Variants in SORCS3 observed in about 807,000 individuals in gnomAD.
SORCS3 encodes the protein sortilin related VPS10 domain containing receptor 3, also known as VPS10 domain-containing receptor SorCS3.
SORCS3 carries 57 observed loss-of-function variants against 146.3 expected under a neutral mutation model. The ratio of observed to expected loss-of-function variants is 0.39; its 90% CI spans 0.31 to 0.49. The LOEUF is 0.49. Ranked by LOEUF, SORCS3 falls within the 20% of genes least tolerant of loss-of-function variation. The pLI, the probability that SORCS3 is intolerant of heterozygous loss-of-function variation, is 0.92. For missense variants in SORCS3, 1,341 were observed against 1,575.5 expected (o/e 0.85, Z 2.52); for synonymous variants, 653 against 618.5 (o/e 1.06, Z -0.83).
At chr10:104,722,990 C>G (rs1266241188) in intron 1 of SORCS3, among the ~76,000 whole-genome samples, 1 of 152,124 alleles carries the variant, frequency 6.6e-6, no homozygotes. Context: ...CAGTTCTGCT[C>G]TGATCTTAGT....
intron 4 of SORCS3, among the ~76,000 whole-genome samples, chr10:105,034,191 G>T (rs1258138600): frequency 1.3e-5 from 2 of 152,146 alleles, no homozygotes; most frequent in Non-Finnish European, 1.5e-5. Context: ...TCTGGGGTGG[G>T]AAGTGACCAA....
chr10:105,052,518 C>G (rs2055420316), intron 5 of SORCS3, among the ~76,000 whole-genome samples: 1 of 152,132 alleles, frequency 6.6e-6, no homozygotes, highest in South Asian at 2.1e-4. Context: ...ACTTTTGTCA[C>G]AGTGGGTGAG....
chr10:104,840,475 C>T (rs1318191546), intron 1 of SORCS3, among the ~76,000 whole-genome samples: 1 of 152,166 alleles, frequency 6.6e-6, no homozygotes, highest in African/African-American at 2.4e-5. Context: ...ATAGGAATTG[C>T]CTGCTCATTT....
intron 3 of SORCS3, among the ~76,000 whole-genome samples, chr10:104,946,329 CCCT>C (rs1041017537): frequency 1.3e-5 from 2 of 152,080 alleles, no homozygotes. Flanking sequence ...CCCCTCTGCA[CCCT>C]CCTCCTCTGC....
At chr10:104,922,228 G>A (rs1427223736) in intron 3 of SORCS3, among the ~76,000 whole-genome samples, 1 of 152,204 alleles carries the variant, frequency 6.6e-6, no homozygotes, top group African/African-American at 2.4e-5. Context: ...GTAAGTGGCA[G>A]GGTAACACAT....
chr10:105,228,607 A>G (rs995476568), intron 20 of SORCS3, among the ~76,000 whole-genome samples: 6 of 152,102 alleles, frequency 3.9e-5, no homozygotes, highest in African/African-American at 1.4e-4. Flanking sequence ...TATGAAGAAT[A>G]TCTTTGCTAG....
At chr10:104,919,969 T>C (rs1365961835) in intron 3 of SORCS3, among the ~76,000 whole-genome samples, 1 of 152,248 alleles carries the variant, frequency 6.6e-6, no homozygotes, top group East Asian at 1.9e-4. Flanking sequence ...TTTATTAGTC[T>C]AGAGCTCTGG....
intron 7 of SORCS3, among the ~76,000 whole-genome samples, chr10:105,111,645 C>A (rs1301481963): frequency 2.0e-5 from 3 of 152,196 alleles, no homozygotes; most frequent in Non-Finnish European, 4.4e-5. Flanking sequence ...ATATATTATT[C>A]ATTGTCCTTT....
chr10:105,176,879 T>C (rs2056408947), intron 13 of SORCS3, among the ~76,000 whole-genome samples: 1 of 149,938 alleles, frequency 6.7e-6, no homozygotes, highest in South Asian at 2.1e-4. Context: ...CAAAAACCCT[T>C]CACAGTGTGG....
intron 5 of SORCS3, among the ~76,000 whole-genome samples, chr10:105,077,953 A>G (rs2055599454): frequency 6.6e-6 from 1 of 152,192 alleles, no homozygotes; most frequent in African/African-American, 2.4e-5. Context: ...GAAATCTTCC[A>G]AAGTGCCCAC....
intron 13 of SORCS3, among the ~76,000 whole-genome samples, chr10:105,169,435 A>G (rs981137940): frequency 1.4e-4 from 21 of 152,024 alleles, no homozygotes; most frequent in Admixed American, 1.4e-3. Flanking sequence ...TCCTTCTCTC[A>G]AAGTTCAGCC....
intron 3 of SORCS3, among the ~76,000 whole-genome samples, chr10:104,963,547 T>C (rs1399272173): frequency 1.3e-5 from 2 of 152,200 alleles, no homozygotes; most frequent in African/African-American, 4.8e-5. Flanking sequence ...TAGAGCTCAG[T>C]TCTCCAGACT....
chr10:105,031,332 AACAC>A (rs371026666), intron 4 of SORCS3, among the ~76,000 whole-genome samples: 20,370 of 113,434 alleles, frequency 0.18, 1,502 homozygotes, highest in Middle Eastern at 0.28. Flanking sequence ...CACACACACA[AACAC>A]ACACACACAC....
intron 1 of SORCS3, among the ~76,000 whole-genome samples, chr10:104,735,477 T>TTTTTTTTTTTTTTTTTTTTTTTTTTTA (rs1564671258): frequency 2.1e-5 from 3 of 141,878 alleles, no homozygotes; most frequent in Non-Finnish European, 4.6e-5. Context: ...TTTTTTTTTT[T>TTTTTTTTTTTTTTTTTTTTTTTTTTTA]AATCAATCCC....
intron 4 of SORCS3, among the ~76,000 whole-genome samples, chr10:105,004,641 C>T (rs772395541): frequency 2.4e-4 from 36 of 152,120 alleles, no homozygotes; most frequent in Middle Eastern, 6.8e-3. Flanking sequence ...GATGGCAAAA[C>T]GCAAGGAAGC....
At chr10:104,879,594 C>T (rs1050448589) in intron 2 of SORCS3, among the ~76,000 whole-genome samples, 3 of 152,146 alleles carry the variant, frequency 2.0e-5, no homozygotes, top group African/African-American at 7.2e-5. Flanking sequence ...TTTTGAGCAC[C>T]AGCATGCTAA....
intron 1 of SORCS3, among the ~76,000 whole-genome samples, chr10:104,646,791 G>A (rs929824412): frequency 3.3e-5 from 5 of 152,102 alleles, no homozygotes; most frequent in Non-Finnish European, 7.4e-5. Context: ...TAGAATGTGA[G>A]TGCCTAGTGG....
chr10:105,253,170 A>G (rs2056911171), intron 23 of SORCS3, among the ~76,000 whole-genome samples: 1 of 151,916 alleles, frequency 6.6e-6, no homozygotes, highest in South Asian at 2.1e-4. Context: ...CCTCCCAGTG[A>G]CTCTTCCTGG....
At chr10:104,750,812 C>T (rs959575303) in intron 1 of SORCS3, among the ~76,000 whole-genome samples, 3 of 152,080 alleles carry the variant, frequency 2.0e-5, no homozygotes, top group Non-Finnish European at 4.4e-5. Flanking sequence ...GCTTGGGAAC[C>T]AGTAAGCTCA....
Sources: allele counts gnomAD v4.1 joint callset (sites outside exome capture counted in the v4.1 genomes callset), GRCh38; gene constraint gnomAD v4.1.1; transcripts MANE v1.5; gene names NCBI Gene and HGNC (gene_info 2026-07-23, HGNC 2026-07-21).